POTEJ: variants seen among roughly 807,000 people sequenced by gnomAD.
POTEJ encodes the protein POTE ankyrin domain family member J, also known as POTE ankyrin domain family, member J.
A neutral mutation model predicts 69.0 loss-of-function variants in POTEJ; 11 were observed. The ratio of observed to expected loss-of-function variants is 0.16; its 90% confidence interval spans 0.10 to 0.26. The LOEUF (loss-of-function observed/expected upper bound fraction) is 0.26. Among genes scored for constraint, POTEJ ranks in the 10% least tolerant of loss-of-function variants. POTEJ has a pLI of 1.00. For synonymous variants in POTEJ, 117 were observed against 381.1 expected, an observed-to-expected ratio of 0.31 and a Z score of 8.07; for missense variants, 327 against 1,045.5, an observed-to-expected ratio of 0.31 and a Z score of 9.48.
At chr2:130,637,078 CA>C (rs771768758) in intron 9 of POTEJ, among the ~76,000 whole-genome samples, 205 of 104,236 alleles carry the variant, frequency 2.0e-3, no homozygotes, top group African/African-American at 4.4e-3. Flanking sequence ...GACTCCGTCT[CA>C]AAAAAAAAAA....
chr2:130,655,392 T>A (rs1328964022), intron 14 of POTEJ, among the ~76,000 whole-genome samples: 5 of 152,214 alleles, frequency 3.3e-5, no homozygotes, highest in Admixed American at 2.6e-4. Context: ...AATAGAGAAG[T>A]CAATTGATTA....
intron 6 of POTEJ, among the ~76,000 whole-genome samples, chr2:130,626,648 A>T (rs1212403956): frequency 6.6e-6 from 1 of 152,180 alleles, no homozygotes; most frequent in Non-Finnish European, 1.5e-5. Context: ...GCTGGGATTG[A>T]TGGAAGGTTC....
intron 9 of POTEJ, among the ~76,000 whole-genome samples, chr2:130,632,965 T>C (rs569091376): frequency 4.7e-5 from 7 of 147,802 alleles, no homozygotes; most frequent in Admixed American, 1.3e-4. Flanking sequence ...CATGGAGATT[T>C]GGACGGCAGA....
At chr2:130,655,495 G>T (rs1301207972) in intron 14 of POTEJ, among the ~76,000 whole-genome samples, 1 of 152,230 alleles carries the variant, frequency 6.6e-6, no homozygotes, top group Non-Finnish European at 1.5e-5. Context: ...GGAACAGTTT[G>T]CTCCAAGTAG....
chr2:130,640,076 G>T (rs1157709100), intron 10 of POTEJ, among the ~76,000 whole-genome samples: 2 of 149,826 alleles, frequency 1.3e-5, no homozygotes, highest in African/African-American at 2.5e-5. Flanking sequence ...GCTTTAGAAA[G>T]AAAGGAGGCA....
At chr2:130,618,698 A>T (rs1685452090) in intron 3 of POTEJ, among the ~76,000 whole-genome samples, 1 of 133,870 alleles carries the variant, frequency 7.5e-6, no homozygotes, top group Admixed American at 7.4e-5. Context: ...TGTCTCAGAA[A>T]CTTAAGGTAT....
At chr2:130,637,632 A>C (rs1238617734) in intron 9 of POTEJ, among the ~76,000 whole-genome samples, 1 of 152,282 alleles carries the variant, frequency 6.6e-6, no homozygotes, top group Non-Finnish European at 1.5e-5. Context: ...CTGTGAGATG[A>C]CACCAGAGCC....
intron 13 of POTEJ, among the ~76,000 whole-genome samples, chr2:130,646,996 G>T (rs1168711556): frequency 6.7e-6 from 1 of 149,818 alleles, no homozygotes; most frequent in Non-Finnish European, 1.5e-5. Flanking sequence ...AAGGATATTT[G>T]TATAGATATG....
rs577850144 is a variant in POTEJ, at chr2:130,655,489, C to G, written c.1788+448C>G. ...TTATCCTTACTTTTGCAGAGAGGAA[C>G]AGTTTGCTCCAAGTAGTTTCTCATT... On this transcript the variant is annotated intron_variant, in intron 14 of 14. Transcript: ENST00000409602. 7.9e-5 allele frequency among the ~76,000 whole-genome samples: 12 copies of G among 152,370 alleles called. No homozygotes were observed. The South Asian group carries it at 2.5e-3, about 32-fold the overall frequency.
At position 130,618,604 on chromosome 2, in the gene POTEJ, G is replaced by GACA. The variant is rs1353088054; in HGVS notation, c.699+1377_699+1379dup. The stretch of plus-strand genomic sequence containing the variant: ...CAACAACAACAACAACAACGACGAC[G>GACA]ACAACAACAACAATTTTCTCAAAAT... On this transcript the variant is annotated intron_variant, in intron 3 of 14. Transcript: ENST00000409602. 2.9e-3 allele frequency among the ~76,000 whole-genome samples: 420 copies of GACA among 146,448 alleles called. 1 individual carries two copies. Among genetic ancestry groups the GACA allele is most frequent in the Non-Finnish European group, 4.9e-3 (330 of 67,142 alleles).
Position 130,656,866 on chromosome 2 carries a change from G to A in POTEJ, c.2106G>A (p.Arg702=), listed in dbSNP as rs1687015729. The change falls in exon 15 of 15, where the codon AGG becomes AGA. Residue 702 remains arginine (R), a synonymous_variant. Coordinates refer to ENST00000409602, the MANE Select transcript of POTEJ (RefSeq NM_001277083.2). ...TCCCTTCCATCGTGGGGTGCCCCAGGCAGCAGGGCATGATGGGGGGCATGC... is the reference window on the plus strand; with the variant it reads ...TCCCTTCCATCGTGGGGTGCCCCAGACAGCAGGGCATGATGGGGGGCATGC... ...AVFPSIVGCP[R]QQGMMGGMHQ... 3.1e-6 allele frequency: 5 copies of A among 1,589,290 alleles called. No individual in the cohort carries two copies. Among genetic ancestry groups the A allele is most frequent in the Non-Finnish European group, 4.3e-6 (5 of 1,164,118 alleles).
intron 5 of POTEJ, 23 bp from the exon 6 acceptor site, chr2:130,624,041 G>A: frequency 6.9e-7 from 1 of 1,458,590 alleles, no homozygotes; most frequent in Non-Finnish European, 9.3e-7. Context: ...TAGTAATTTG[G>A]TTTATTACAT....
chr2:130,615,795 A>C (rs1242355310), intron 1 of POTEJ, among the ~76,000 whole-genome samples: 1 of 148,462 alleles, frequency 6.7e-6, no homozygotes, highest in African/African-American at 2.6e-5. Flanking sequence ...ATAGTTTCAT[A>C]AATCCATTTT....
chr2:130,630,527 A>G (rs1188617377), intron 7 of POTEJ, among the ~76,000 whole-genome samples: 1 of 139,156 alleles, frequency 7.2e-6, no homozygotes, highest in Non-Finnish European at 1.5e-5. Flanking sequence ...GTGATTGAAA[A>G]TCTGCAGTTT....
At position 130,655,164 on chromosome 2, in the gene POTEJ, TC is replaced by T; in HGVS notation, c.1788+124del. 3 of 912,430 alleles carry T rather than the reference TC, an allele frequency of 3.3e-6. 1 individual carries two copies. Among genetic ancestry groups the T allele is most frequent in the Non-Finnish European group, 4.8e-6 (3 of 630,812 alleles). The allele number at this position is 912,430 out of a possible 1,614,324, so 56.5% of individuals were successfully genotyped here. A position where few individuals can be genotyped will look rare whatever the true frequency, so the allele number is the denominator to read the frequency against. ...GTGTATATATTCTATATATCCTTTGTCATATATCTATATACGTACATATAGG... is the reference window on the plus strand; with the variant it reads ...GTGTATATATTCTATATATCCTTTGTATATATCTATATACGTACATATAGG... On this transcript the variant is annotated intron_variant, in intron 14 of 14. Coordinates refer to ENST00000409602, the MANE Select transcript of POTEJ (RefSeq NM_001277083.2).
chr2:130,640,626 C>A (rs1277538955), intron 10 of POTEJ, among the ~76,000 whole-genome samples: 6 of 151,960 alleles, frequency 3.9e-5, no homozygotes, highest in Non-Finnish European at 7.4e-5. Context: ...CACAACATCG[C>A]AAGGGCTGCT....
intron 10 of POTEJ, among the ~76,000 whole-genome samples, chr2:130,639,455 G>C (rs1573987778): frequency 6.6e-6 from 1 of 152,282 alleles, no homozygotes; most frequent in Non-Finnish European, 1.5e-5. Context: ...TAATTGTCAT[G>C]ATAACAGTAA....
chr2:130,657,657 C>T lies in POTEJ; in HGVS notation c.2897C>T (p.Thr966Ile). 2 of 1,458,664 alleles carry T rather than the reference C, an allele frequency of 1.4e-6. No homozygotes were observed. The highest frequency in any genetic ancestry group is 1.9e-6 in the Non-Finnish European group (2 of 1,063,764). The allele number at this position is 1,458,664 out of a possible 1,614,324, so 90.4% of individuals were successfully genotyped here. A position where few individuals can be genotyped will look rare whatever the true frequency, so the allele number is the denominator to read the frequency against. The change falls in exon 15 of 15, where the codon ACC becomes ATC. Residue 966 changes from threonine (T) to isoleucine (I), a missense_variant. Physicochemically the swap from Thr to Ile is moderately conservative, Grantham distance 89. Transcript: ENST00000409602. ...ACCAACACAGTGCTGTCTGGCGGCA[C>T]CACCATGTACCCTGGCATGGCCCAC... ...LYTNTVLSGG[T>I]TMYPGMAHRM... is the part of the protein sequence containing the mutation.
intron 9 of POTEJ, among the ~76,000 whole-genome samples, chr2:130,637,126 G>A (rs1199084827): frequency 6.8e-6 from 1 of 146,870 alleles, no homozygotes; most frequent in South Asian, 2.1e-4. Flanking sequence ...TAACAGTTTT[G>A]CCTGGTAATT....
Sources: gnomAD v4.1 joint callset for allele counts (sites outside exome capture counted in the v4.1 genomes callset) on GRCh38, gnomAD v4.1.1 for gene constraint, MANE v1.5 for transcripts, NCBI Gene and HGNC (gene_info 2026-07-23, HGNC 2026-07-21) for gene names.